L2HGDH: variants seen among roughly 807,000 people sequenced by gnomAD.
The protein encoded by L2HGDH is L-2-hydroxyglutarate dehydrogenase, mitochondrial.
L2HGDH carries 34 observed loss-of-function variants against 51.5 expected under a neutral mutation model. The observed-to-expected ratio is 0.66, with a 90% CI of 0.50 to 0.88. The LOEUF is 0.88. Among genes scored for constraint, L2HGDH ranks in the 40% least tolerant of loss-of-function variants. L2HGDH has a pLI of 0.00. For synonymous variants in L2HGDH, 198 were observed against 197.9 expected, an observed-to-expected ratio of 1.00 and a Z score of -0.01; for missense variants, 558 against 571.9, an observed-to-expected ratio of 0.98 and a Z score of 0.25.
At position 50,245,586 on chromosome 14, in the gene L2HGDH, T is replaced by C. The variant is rs1887957297; in HGVS notation, c.*1472A>G. ...TTTTCTTGAAATCATGAATTTTTAA[T>C]TTCCAAATACAAATATTGTTGCTCT... On this transcript the variant is annotated 3_prime_UTR_variant, in exon 10 of 10. Coordinates refer to ENST00000267436, the MANE Select transcript of L2HGDH (RefSeq NM_024884.3). The C allele has an allele frequency of 1.0e-6, 1 of 972,250 alleles. No homozygotes were observed. The allele number at this position is 972,250 out of a possible 1,614,324, so 60.2% of individuals were successfully genotyped here.
chr14:50,287,701 T>G, intron 4 of L2HGDH, among the ~76,000 whole-genome samples: 1 of 134,670 alleles, frequency 7.4e-6, no homozygotes, highest in Non-Finnish European at 1.6e-5. Context: ...CTTTTTTTTT[T>G]TTTTTTTTTT....
intron 6 of L2HGDH, among the ~76,000 whole-genome samples, chr14:50,277,902 C>T (rs549045465): frequency 6.6e-6 from 1 of 152,118 alleles, no homozygotes; most frequent in Admixed American, 6.5e-5. Flanking sequence ...CAGACAGATA[C>T]CCACTGTCCA....
intron 9 of L2HGDH, among the ~76,000 whole-genome samples, chr14:50,258,909 A>G (rs1282536525): frequency 6.6e-6 from 1 of 151,180 alleles, no homozygotes; most frequent in African/African-American, 2.4e-5. Context: ...TGGTGTTATC[A>G]TGGCTCACTG....
Position 50,247,050 on chromosome 14 carries a change from T to C in L2HGDH, c.*8A>G. ...AGATTACAGTGCATACCTAGCTCCT[T>C]TCATTATTTATAATTCAAATCTTTG... On this transcript the variant is annotated 3_prime_UTR_variant, in exon 10 of 10. Coordinates refer to ENST00000267436, the MANE Select transcript of L2HGDH (RefSeq NM_024884.3). The C allele has an allele frequency of 6.2e-7, 1 of 1,612,026 alleles. No individual in the cohort carries two copies.
At chr14:50,250,843 A>G (rs1288443277) in intron 9 of L2HGDH, among the ~76,000 whole-genome samples, 1 of 152,234 alleles carries the variant, frequency 6.6e-6, no homozygotes, top group Non-Finnish European at 1.5e-5. Context: ...ACACAATGTT[A>G]TTGGGCTTGT....
At chr14:50,268,023 T>C in intron 7 of L2HGDH, 113 bp from the exon 8 acceptor site, 1 of 1,026,350 alleles carries the variant, frequency 9.7e-7, no homozygotes, top group East Asian at 2.4e-5. Context: ...TAATTTGTAT[T>C]GTGAGCTGTA....
At position 50,246,804 on chromosome 14, in the gene L2HGDH, C is replaced by A. The variant is rs1323556104; in HGVS notation, c.*254G>T. On this transcript the variant is annotated 3_prime_UTR_variant, in exon 10 of 10. Transcript: ENST00000267436. ...TGGTGCAATCTCAGCTCTCAGCTCA[C>A]CTCCGTCTGCTCGGTTCAATTGATT... 4 of 438,046 alleles carry A rather than the reference C, an allele frequency of 9.1e-6. No homozygotes were observed. The highest frequency in any genetic ancestry group is 6.0e-5 in the African/African-American group (3 of 49,960). The allele number at this position is 438,046 out of a possible 1,614,324, so 27.1% of individuals were successfully genotyped here. A position where few individuals can be genotyped will look rare whatever the true frequency, so the allele number is the denominator to read the frequency against.
chr14:50,303,148 TCG>T, intron 1 of L2HGDH, 131 bp from the exon 2 acceptor site: 1 of 649,656 alleles, frequency 1.5e-6, no homozygotes. Flanking sequence ...CGGCGGCCGG[TCG>T]CAGTGGCTCA....
chr14:50,250,692 G>C (rs1043937024), intron 9 of L2HGDH, among the ~76,000 whole-genome samples: 1 of 152,208 alleles, frequency 6.6e-6, no homozygotes. Flanking sequence ...GTTCCAGGGG[G>C]TTTAGCACAG....
rs149075578 is a variant in L2HGDH at position 50,267,145 on chromosome 14, T to TTTTATTTA, written c.1064+600_1064+607dup. On this transcript the variant is annotated intron_variant, in intron 8 of 9. Coordinates refer to ENST00000267436, the MANE Select transcript of L2HGDH (RefSeq NM_024884.3). Reference sequence around the variant, plus strand: ...ACTCTTGGCCTTATCTTCTTTTTATTTTTATTTATTTATTTATTTATTTAT... The same window carrying TTTTATTTA: ...ACTCTTGGCCTTATCTTCTTTTTATTTTTATTTATTTATTTATTTATTTATTTATTTAT... 3.7e-3 allele frequency among the ~76,000 whole-genome samples: 528 copies of TTTTATTTA among 143,444 alleles called. 2 individuals are homozygous for TTTTATTTA. The highest frequency in any genetic ancestry group is 0.013 in the East Asian group (64 of 4,982). The allele number at this position is 143,444 out of a possible 152,430, so 94.1% of individuals were successfully genotyped here.
At chr14:50,265,755 A>T (rs1889299830) in intron 8 of L2HGDH, among the ~76,000 whole-genome samples, 1 of 152,128 alleles carries the variant, frequency 6.6e-6, no homozygotes, top group Admixed American at 6.5e-5. Context: ...CTCTACCAAA[A>T]ATACAAAAAT....
intron 9 of L2HGDH, among the ~76,000 whole-genome samples, chr14:50,251,983 A>C (rs543243937): frequency 6.6e-5 from 10 of 152,068 alleles, no homozygotes; most frequent in African/African-American, 2.4e-4. Flanking sequence ...GTATAACACT[A>C]TAATTGTGGT....
chr14:50,259,376 T>C (rs1888872077), intron 9 of L2HGDH, among the ~76,000 whole-genome samples: 1 of 148,360 alleles, frequency 6.7e-6, no homozygotes, highest in Admixed American at 6.7e-5. Flanking sequence ...GTTTTTTTTT[T>C]TTTTTTTTCA....
intron 9 of L2HGDH, among the ~76,000 whole-genome samples, chr14:50,263,774 C>CT (rs11458897): frequency 0.56 from 76,569 of 137,176 alleles, 21,208 homozygotes; most frequent in East Asian, 0.65. Context: ...AGCCTTTTAT[C>CT]TTTTTTTTTT....
chr14:50,269,864 T>C (rs1169665133), intron 6 of L2HGDH, among the ~76,000 whole-genome samples: 1 of 152,184 alleles, frequency 6.6e-6, no homozygotes, highest in African/African-American at 2.4e-5. Flanking sequence ...TATAAGCACA[T>C]AAAATCATTT....
rs537744549 is a variant in L2HGDH, at chr14:50,243,232, A to C, written c.*3826T>G. The C allele has an allele frequency of 3.3e-4, 322 of 985,398 alleles. 5 individuals are homozygous for C. The South Asian group carries it at 0.013, about 41-fold the overall frequency. The allele number at this position is 985,398 out of a possible 1,614,324, so 61.0% of individuals were successfully genotyped here. ...AAGCTACGTAACATGAAACACCAAA[A>C]ATATACTTGCTGGTACATCAAGAGT... On this transcript the variant is annotated 3_prime_UTR_variant, in exon 10 of 10. Transcript: ENST00000267436.
At position 50,312,119 on chromosome 14, in the gene L2HGDH, G is replaced by A; in HGVS notation, c.32C>T (p.Ala11Val). The A allele has an allele frequency of 6.2e-7, 1 of 1,609,914 alleles. No homozygotes were observed. Among genetic ancestry groups the A allele is most frequent in the Non-Finnish European group, 8.5e-7 (1 of 1,178,790 alleles). MVPALRYLVG[A>V]CGRARGLFAG... Reference sequence around the variant, plus strand: ...GAAAAGCCCGCGGGCCCGTCCGCAGGCACCAACCAAATAACGCAGCGCTGG... The same window carrying A: ...GAAAAGCCCGCGGGCCCGTCCGCAGACACCAACCAAATAACGCAGCGCTGG... The change falls in exon 1 of 10, where the codon GCC becomes GTC. Residue 11 changes from alanine (A) to valine (V), a missense_variant. By Grantham distance (64) the Ala-to-Val change is moderately conservative (BLOSUM62 0). Coordinates refer to ENST00000267436, the MANE Select transcript of L2HGDH (RefSeq NM_024884.3).
At chr14:50,259,381 T>G (rs2139953160) in intron 9 of L2HGDH, among the ~76,000 whole-genome samples, 1 of 149,092 alleles carries the variant, frequency 6.7e-6, no homozygotes, top group South Asian at 2.1e-4. Flanking sequence ...TTTTTTTTTT[T>G]TTTCAGAAAT....
At chr14:50,298,603 C>G (rs2030219443) in intron 3 of L2HGDH, among the ~76,000 whole-genome samples, 1 of 152,136 alleles carries the variant, frequency 6.6e-6, no homozygotes, top group African/African-American at 2.4e-5. Context: ...TGCGAGCCAC[C>G]ATGCCCGGCC....
Sources: gnomAD v4.1 joint callset for allele counts (sites outside exome capture counted in the v4.1 genomes callset) on GRCh38, gnomAD v4.1.1 for gene constraint, MANE v1.5 for transcripts, NCBI Gene and HGNC (gene_info 2026-07-23, HGNC 2026-07-21) for gene names.